The following FNDC5 variants were observed in gnomAD, a reference collection of about 807,000 sequenced individuals.
FNDC5 encodes fibronectin type III domain containing 5.
FNDC5 carries 10 observed loss-of-function variants against 24.6 expected under a neutral mutation model. The observed-to-expected ratio is 0.41, with a 90% CI of 0.25 to 0.69. The LOEUF (loss-of-function observed/expected upper bound fraction) is 0.69. Ranked by LOEUF, FNDC5 falls within the 30% of genes least tolerant of loss-of-function variation. The probability of loss-of-function intolerance (pLI) is 0.34; values close to 1 mark genes in which losing one functional copy is unlikely to be tolerated. For synonymous variants in FNDC5, 90 were observed against 110.7 expected (o/e 0.81, Z 1.18); for missense variants, 226 against 282.9 (o/e 0.80, Z 1.44).
chr1:32,871,131 C>A (rs1158393306), upstream of FNDC5, among the ~76,000 whole-genome samples: 1 of 151,792 alleles, frequency 6.6e-6, no homozygotes, highest in Non-Finnish European at 1.5e-5. Context: ...GTTCTCCGCG[C>A]CCCCGCCGCG....
chr1:32,868,772 A>G lies in FNDC5; in HGVS notation c.210+110T>C. 1 of 789,912 alleles carries G rather than the reference A, an allele frequency of 1.3e-6. No homozygotes were observed. Among genetic ancestry groups the G allele is most frequent in the Non-Finnish European group, 1.8e-6 (1 of 569,492 alleles). The allele number at this position is 789,912 out of a possible 1,614,324, so 48.9% of individuals were successfully genotyped here. A position where few individuals can be genotyped will look rare whatever the true frequency, so the allele number is the denominator to read the frequency against. ...ATTGCTGTTCATCTCCCTTGCCCCA[A>G]GTTCCTATTTCCTTTCTATTTCTCC... On this transcript the variant is annotated intron_variant, in intron 2 of 5. Transcript: ENST00000373471. The surrounding 1 kb of genome is among the most constrained non-coding windows in gnomAD (Gnocchi z 4.8).
chr1:32,868,801 A>G lies in FNDC5; in HGVS notation c.210+81T>C. 1.1e-6 allele frequency: 1 copy of G among 951,650 alleles called. No homozygotes were observed. Among genetic ancestry groups the G allele is most frequent in the Non-Finnish European group, 1.4e-6 (1 of 719,242 alleles). 59.0% of individuals were successfully genotyped at this position (951,650 alleles called of 1,614,324 possible). On this transcript the variant is annotated intron_variant, in intron 2 of 5. Transcript: ENST00000373471. This position sits in a 1 kb window ranked among gnomAD's most constrained non-coding sequence, Gnocchi z 4.8. ...CCTATTTCCTTTCTATTTCTCCATCACCACCACTGCCACACTCCTACCCCC... is the reference window on the plus strand; with the variant it reads ...CCTATTTCCTTTCTATTTCTCCATCGCCACCACTGCCACACTCCTACCCCC...
chr1:32,864,900 C>A (rs1641041712), intron 4 of FNDC5, 103 bp from the exon 5 acceptor site: 1 of 1,502,656 alleles, frequency 6.7e-7, no homozygotes, highest in African/African-American at 1.4e-5. Context: ...GATTGTACCT[C>A]ACCTGTACTA....
At chr1:32,871,794 C>T (rs960222245), upstream of FNDC5, among the ~76,000 whole-genome samples, 3 of 152,188 alleles carry the variant, frequency 2.0e-5, no homozygotes, top group Non-Finnish European at 4.4e-5. Flanking sequence ...AGCTCCTCCC[C>T]AGCCAGAAAA....
At chr1:32,867,309 C>G (rs1006824009) in intron 4 of FNDC5, among the ~76,000 whole-genome samples, 1 of 152,074 alleles carries the variant, frequency 6.6e-6, no homozygotes, top group Non-Finnish European at 1.5e-5. Flanking sequence ...GTGGCTGTCT[C>G]ACAGCCATGG....
Position 32,868,081 on chromosome 1 carries a change from C to T in FNDC5, c.409+109G>A, listed in dbSNP as rs368641791. 7.5e-7 allele frequency: 1 copy of T among 1,329,376 alleles called. No homozygotes were observed. The highest frequency in any genetic ancestry group is 1.4e-5 in the African/African-American group (1 of 69,316). 82.3% of individuals were successfully genotyped at this position (1,329,376 alleles called of 1,614,324 possible). On this transcript the variant is annotated intron_variant, in intron 3 of 5. Transcript: ENST00000373471. The surrounding 1 kb of genome is among the most constrained non-coding windows in gnomAD (Gnocchi z 4.8). The stretch of plus-strand genomic sequence containing the variant: ...CTCTCTCAGGTACTGCTTTACTTGC[C>T]AGCAGGGGATAAGGGGGAGGAGACA...
intron 4 of FNDC5, among the ~76,000 whole-genome samples, chr1:32,865,342 G>A (rs1486713732): frequency 6.7e-6 from 1 of 149,844 alleles, no homozygotes; most frequent in African/African-American, 2.4e-5. Flanking sequence ...CAGGTGATCC[G>A]CCCACATTGG....
chr1:32,866,606 G>A (rs1641074794), intron 4 of FNDC5, among the ~76,000 whole-genome samples: 1 of 151,886 alleles, frequency 6.6e-6, no homozygotes, highest in Admixed American at 6.6e-5. Flanking sequence ...TGTTTTTCCT[G>A]ATTTCTAACC....
chr1:32,870,524 G>T (rs1171551945), intron 1 of FNDC5, 129 bp downstream of exon 1: 2 of 425,490 alleles, frequency 4.7e-6, no homozygotes, highest in African/African-American at 2.1e-5. Flanking sequence ...TGGGGGCTGG[G>T]TTAGGGGAGC....
At chr1:32,867,054 C>T (rs1354996756) in intron 4 of FNDC5, among the ~76,000 whole-genome samples, 1 of 152,152 alleles carries the variant, frequency 6.6e-6, no homozygotes, top group Non-Finnish European at 1.5e-5. Context: ...TGCACCACTG[C>T]ACTCCAACCT....
At chr1:32,872,206 T>C (rs969998943), upstream of FNDC5, among the ~76,000 whole-genome samples, 18 of 152,160 alleles carry the variant, frequency 1.2e-4, no homozygotes, top group African/African-American at 4.3e-4. Context: ...CCTCTCCTTA[T>C]GCCCACCCAG....
chr1:32,870,658 T>G lies in FNDC5; in HGVS notation c.89A>C (p.Gln30Pro). 1 of 1,206,532 alleles carries G rather than the reference T, an allele frequency of 8.3e-7. No individual in the cohort carries two copies. Among genetic ancestry groups the G allele is most frequent in the Non-Finnish European group, 1.0e-6 (1 of 971,562 alleles). 74.7% of individuals were successfully genotyped at this position (1,206,532 alleles called of 1,614,324 possible). Residue 30 changes from glutamine (Q) to proline (P), a missense_variant, in exon 1 of 6, where the codon CAG becomes CCG. By Grantham distance (76) the Gln-to-Pro change is moderately conservative (BLOSUM62 -1). Coordinates refer to ENST00000373471, the MANE Select transcript of FNDC5 (RefSeq NM_153756.3). Reference sequence around the variant, plus strand: ...CCCGCCCCGGGCCCCCTTACCCGCCTGCACCAGCGCGAAGCAGACGCAGCC... The same window carrying G: ...CCCGCCCCGGGCCCCCTTACCCGCCGGCACCAGCGCGAAGCAGACGCAGCC...
chr1:32,868,902 C>T lies in FNDC5; in HGVS notation c.190G>A (p.Gly64Arg), dbSNP rs750342894. The T allele has an allele frequency of 4.0e-6, 5 of 1,238,400 alleles. No individual in the cohort carries two copies. The highest frequency in any genetic ancestry group is 1.5e-5 in the African/African-American group (1 of 64,684). The allele number at this position is 1,238,400 out of a possible 1,614,324, so 76.7% of individuals were successfully genotyped here. The change falls in exon 2 of 6, where the codon GGA (glycine) becomes AGA (arginine). Residue 64 changes from glycine to arginine, a missense_variant. Physicochemically the swap from Gly to Arg is moderately radical, Grantham distance 125. Transcript: ENST00000373471. This position sits in a 1 kb window ranked among gnomAD's most constrained non-coding sequence, Gnocchi z 4.8. ...ATTACCTGCTGGGAGATGGCAAATC[C>T]GATGACAACCTCATCCTCCAGAACA...
Position 32,864,725 on chromosome 1 carries a change from G to T in FNDC5, c.572C>A (p.Thr191Asn). Reference sequence around the variant, plus strand: ...TGTGCTGGTTTCTGATGCACTCTTGGTTTTTTCCTTGTTGTTATTGGGTTC... The same window carrying T: ...TGTGCTGGTTTCTGATGCACTCTTGTTTTTTTCCTTGTTGTTATTGGGTTC... The change falls in exon 5 of 6, where the codon ACC (threonine) becomes AAC (asparagine). Residue 191 changes from threonine (T) to asparagine (N), a missense_variant. Physicochemically the swap from Thr to Asn is moderately conservative, Grantham distance 65. Coordinates refer to ENST00000373471, the MANE Select transcript of FNDC5 (RefSeq NM_153756.3). The T allele has an allele frequency of 2.5e-6, 4 of 1,614,144 alleles. No homozygotes were observed. Among genetic ancestry groups the T allele is most frequent in the Non-Finnish European group, 2.5e-6 (3 of 1,180,016 alleles).
At position 32,870,773 on chromosome 1, in the gene FNDC5, G is replaced by C; in HGVS notation, c.-27C>G. 1 of 989,620 alleles carries C rather than the reference G, an allele frequency of 1.0e-6. No individual in the cohort carries two copies. The highest frequency in any genetic ancestry group is 1.2e-6 in the Non-Finnish European group (1 of 823,476). 61.3% of individuals were successfully genotyped at this position (989,620 alleles called of 1,614,324 possible). On this transcript the variant is annotated 5_prime_UTR_variant, in exon 1 of 6. Transcript: ENST00000373471. Reference sequence around the variant, plus strand: ...GTGGCTCCTCCGGCCGGCAGGCCCGGGGCGGCGCAGGGGGACGCGGCTCCG... The same window carrying C: ...GTGGCTCCTCCGGCCGGCAGGCCCGCGGCGGCGCAGGGGGACGCGGCTCCG...
rs796858119 is a variant in FNDC5 at position 32,863,076 on chromosome 1, C to G, written c.*1218G>C. ...TGTCCAAGCTAGCATTTCTGAAACT[C>G]CAAGAGATACTTCCTAAATAAATTG... On this transcript the variant is annotated 3_prime_UTR_variant, in exon 6 of 6. Coordinates refer to ENST00000373471, the MANE Select transcript of FNDC5 (RefSeq NM_153756.3). 3.3e-5 allele frequency: 5 copies of G among 152,712 alleles called. No individual in the cohort carries two copies. Among genetic ancestry groups the G allele is most frequent in the African/African-American group, 9.6e-5 (4 of 41,562 alleles). The allele number at this position is 152,712 out of a possible 1,614,324, so 9.5% of individuals were successfully genotyped here.
chr1:32,863,781 G>A lies in FNDC5; in HGVS notation c.*513C>T. 3.1e-6 allele frequency: 4 copies of A among 1,304,638 alleles called. No homozygotes were observed. The highest frequency in any genetic ancestry group is 4.0e-6 in the Non-Finnish European group (4 of 989,070). 80.8% of individuals were successfully genotyped at this position (1,304,638 alleles called of 1,614,324 possible). On this transcript the variant is annotated 3_prime_UTR_variant, in exon 6 of 6. Transcript: ENST00000373471. ...CACTGAGGGCTTGTTTGGAAACTGG[G>A]AGGAAAAAAATGAGAGAAGCAGCCA...
In FNDC5 at chr1:32,868,235, A is replaced by G; in HGVS notation, c.364T>C (p.Phe122Leu). 1 of 1,614,176 alleles carries G rather than the reference A, an allele frequency of 6.2e-7. No homozygotes were observed. The highest frequency in any genetic ancestry group is 8.5e-7 in the Non-Finnish European group (1 of 1,180,046). Residue 122 changes from phenylalanine to leucine, a missense_variant, in exon 3 of 6, where the codon TTC becomes CTC. Transcript: ENST00000373471. The surrounding 1 kb of genome is among the most constrained non-coding windows in gnomAD (Gnocchi z 4.8). ...TTCTCAGCCTCACGCGGGGTCTTGA[A>G]GAGCACAGGCTCGCTGGCTGGGCTC...
At position 32,864,777 on chromosome 1, in the gene FNDC5, G is replaced by A. The variant is rs770475492; in HGVS notation, c.520C>T (p.Arg174Cys). 46 of 1,613,954 alleles carry A rather than the reference G, an allele frequency of 2.9e-5. No individual in the cohort carries two copies. The highest frequency in any genetic ancestry group is 1.3e-4 in the East Asian group (6 of 44,890). ...TTGTCCTTGATGATGTCATACTGGC[G>A]GCAGAAGAGGGCAATGACACCTGAG... The change falls in exon 5 of 6, where the codon CGC becomes TGC. Residue 174 changes from arginine (R) to cysteine (C), a missense_variant. Coordinates refer to ENST00000373471, the MANE Select transcript of FNDC5 (RefSeq NM_153756.3).
Sources: gnomAD v4.1 joint callset for allele counts (sites outside exome capture counted in the v4.1 genomes callset) on GRCh38, gnomAD v4.1.1 for gene constraint, Gnocchi (gnomAD v3.1) non-coding constraint, MANE v1.5 for transcripts, NCBI Gene and HGNC (gene_info 2026-07-23, HGNC 2026-07-21) for gene names.